FBLN2: variants seen among roughly 807,000 people sequenced by gnomAD.
FBLN2 encodes the protein fibulin-2.
FBLN2 carries 81 observed loss-of-function variants against 123.7 expected under a neutral mutation model. The observed-to-expected ratio is 0.65, with a 90% CI of 0.55 to 0.79. The LOEUF (loss-of-function observed/expected upper bound fraction) is 0.79, where lower values mean the gene tolerates loss of function less well. FBLN2 is among the 30% of genes least tolerant of loss of function. FBLN2 has a pLI of 0.00. For synonymous variants in FBLN2, 699 were observed against 701.4 expected (o/e 1.00, Z 0.05); for missense variants, 1,603 against 1,681.3 (o/e 0.95, Z 0.81).
At chr3:13,582,604 C>G (rs1250463151) in intron 2 of FBLN2, among the ~76,000 whole-genome samples, 1 of 152,158 alleles carries the variant, frequency 6.6e-6, no homozygotes, top group African/African-American at 2.4e-5. Context: ...CTGCTTTGGC[C>G]CTCAGAGAGT....
chr3:13,633,199 A>G, intron 16 of FBLN2, among the ~76,000 whole-genome samples: 1 of 152,272 alleles, frequency 6.6e-6, no homozygotes, highest in African/African-American at 2.4e-5. Flanking sequence ...GGGACCTGGC[A>G]TATGCCCATC....
chr3:13,579,012 G>A (rs988751557), intron 2 of FBLN2, among the ~76,000 whole-genome samples: 11 of 152,304 alleles, frequency 7.2e-5, no homozygotes, highest in African/African-American at 2.2e-4. Flanking sequence ...CCACGATCAC[G>A]CCTTTGCACT....
chr3:13,616,631 G>A (rs1705615610), intron 5 of FBLN2, among the ~76,000 whole-genome samples: 1 of 152,302 alleles, frequency 6.6e-6, no homozygotes. Context: ...TACTCTCTCT[G>A]TGGGCTCTGC....
intron 2 of FBLN2, among the ~76,000 whole-genome samples, chr3:13,597,214 G>T (rs1704873017): frequency 6.6e-6 from 1 of 152,180 alleles, no homozygotes; most frequent in Non-Finnish European, 1.5e-5. Context: ...TTATAGGTGT[G>T]AGCCACTACA....
At chr3:13,572,834 G>C (rs545029570) in intron 2 of FBLN2, among the ~76,000 whole-genome samples, 1 of 152,242 alleles carries the variant, frequency 6.6e-6, no homozygotes, top group South Asian at 2.1e-4. Context: ...TACTTTAGGA[G>C]CCTTGAACTC....
intron 2 of FBLN2, among the ~76,000 whole-genome samples, chr3:13,600,045 G>A (rs1421423791): frequency 6.7e-6 from 1 of 148,460 alleles, no homozygotes; most frequent in Non-Finnish European, 1.5e-5. Flanking sequence ...GAGAGAGAGA[G>A]CGAGAGAGAG....
At position 13,570,881 on chromosome 3, in the gene FBLN2, G is replaced by C. The variant is rs764308242; in HGVS notation, c.526G>C (p.Gly176Arg). The C allele has an allele frequency of 7.9e-5, 127 of 1,611,658 alleles. No homozygotes were observed. Among genetic ancestry groups the C allele is most frequent in the Middle Eastern group, 6.6e-4 (4 of 6,084 alleles). The stretch of plus-strand genomic sequence containing the variant: ...AGAGCTCATCTGCTACCAGCTCCCC[G>C]GTTGCCACGGGAACTTCTCAGATGC... ...GGELICYQLPGCHGNFSDAEE... is the reference protein window; with the variant it reads ...GGELICYQLPRCHGNFSDAEE... The change falls in exon 2 of 18, where the codon GGT becomes CGT. Residue 176 changes from glycine (G) to arginine (R), a missense_variant. By Grantham distance (125) the Gly-to-Arg change is moderately radical. Transcript: ENST00000404922.
At chr3:13,600,957 C>T (rs537234636) in intron 2 of FBLN2, among the ~76,000 whole-genome samples, 37 of 152,278 alleles carry the variant, frequency 2.4e-4, no homozygotes, top group Middle Eastern at 3.4e-3. Context: ...GAAATTGTGA[C>T]GTGTATGTGA....
rs1703937784 is a variant in FBLN2, at chr3:13,571,229, G to A, written c.874G>A (p.Val292Ile). ...GGAGGAGGAGAGAGAGGAAATGGCT[G>A]TCACTGAGCAGCTGGCAGCAGGTGG... The part of the protein sequence containing the change: ...EEEEEREEMA[V>I]TEQLAAGGHR... The change falls in exon 2 of 18, where the codon GTC becomes ATC. Residue 292 changes from valine to isoleucine, a missense_variant. Coordinates refer to ENST00000404922, the MANE Select transcript of FBLN2 (RefSeq NM_001004019.2). 6.4e-7 allele frequency: 1 copy of A among 1,569,806 alleles called. No homozygotes were observed. The highest frequency in any genetic ancestry group is 8.6e-7 in the Non-Finnish European group (1 of 1,157,836).
intron 13 of FBLN2, among the ~76,000 whole-genome samples, 158 bp from the exon 14 acceptor site, chr3:13,629,662 C>G (rs868507809): frequency 4.6e-5 from 7 of 152,340 alleles, no homozygotes; most frequent in Non-Finnish European, 8.8e-5. Flanking sequence ...GCCACCTGGT[C>G]TCTTTGCCTC....
At chr3:13,609,688 G>GGGGGGGCC in intron 4 of FBLN2, 46 bp downstream of exon 4, 9 of 512,600 alleles carry the variant, frequency 1.8e-5, no homozygotes, top group East Asian at 6.7e-5. Context: ...GTGGGGCGGG[G>GGGGGGGCC]CGGGAGGCTG....
At chr3:13,592,172 C>T (rs893172068) in intron 2 of FBLN2, among the ~76,000 whole-genome samples, 4 of 151,774 alleles carry the variant, frequency 2.6e-5, no homozygotes, top group Admixed American at 1.3e-4. Context: ...ATTACAGGTG[C>T]CTGCCACCAC....
chr3:13,570,933 A>G lies in FBLN2; in HGVS notation c.578A>G (p.Tyr193Cys), dbSNP rs1316650545. The change falls in exon 2 of 18, where the codon TAC becomes TGC. Residue 193 changes from tyrosine (Y) to cysteine (C), a missense_variant. Physicochemically the swap from Tyr to Cys is radical, Grantham distance 194. Coordinates refer to ENST00000404922, the MANE Select transcript of FBLN2 (RefSeq NM_001004019.2). The part of the protein sequence containing the change: ...DAEEGDPERH[Y>C]EDPYSYDQEV... ...GAGGAGGGTGACCCCGAGCGACACT[A>G]CGAAGACCCCTACAGCTATGACCAG... is the stretch of plus-strand genomic sequence containing the variant. The G allele has an allele frequency of 6.2e-7, 1 of 1,612,938 alleles. No individual in the cohort carries two copies. The highest frequency in any genetic ancestry group is 8.5e-7 in the Non-Finnish European group (1 of 1,179,638).
In FBLN2 at chr3:13,638,333, AAAG is replaced by A; in HGVS notation, c.*415_*417del. The A allele has an allele frequency of 2.5e-6, 1 of 403,050 alleles. No homozygotes were observed. The highest frequency in any genetic ancestry group is 4.1e-5 in the Admixed American group (1 of 24,100). The allele number at this position is 403,050 out of a possible 1,614,324, so 25.0% of individuals were successfully genotyped here. Reference sequence around the variant, plus strand: ...ATTTTAAAGTTTTTTGTTTAACTATAAAGTAGTACATGTACATTATATAAAAAA... The same window carrying A: ...ATTTTAAAGTTTTTTGTTTAACTATATAGTACATGTACATTATATAAAAAA... On this transcript the variant is annotated 3_prime_UTR_variant, in exon 18 of 18. Transcript: ENST00000404922.
chr3:13,630,042 T>TACACCTTCACCCTC (rs1706202579), intron 14 of FBLN2, 97 bp downstream of exon 14: 5 of 1,518,470 alleles, frequency 3.3e-6, no homozygotes, highest in African/African-American at 1.4e-5. Context: ...CCTTCACCCT[T>TACACCTTCACCCTC]ACACCTTCAC....
At chr3:13,584,848 C>T (rs2124846133) in intron 2 of FBLN2, among the ~76,000 whole-genome samples, 1 of 152,352 alleles carries the variant, frequency 6.6e-6, no homozygotes, top group East Asian at 1.9e-4. Context: ...CACATGCTCA[C>T]ACGGGAGGAG....
At position 13,619,747 on chromosome 3, in the gene FBLN2, C is replaced by T; in HGVS notation, c.2071C>T (p.Gln691Ter). 6.2e-7 allele frequency: 1 copy of T among 1,613,326 alleles called. No homozygotes were observed. Reference protein sequence around the residue: ...NTCKDNGPCKQVCSTVGGSAI... With the variant: ...NTCKDNGPCK ...TCCTCCAGACAATGGACCCTGCAAG[C>T]AGGTGTGCAGCACTGTTGGGGGCTC... Residue 691 changes from glutamine (Q) to a stop codon, truncating the protein, a stop_gained, in exon 8 of 18, where the codon CAG becomes TAG. Transcript: ENST00000404922. LOFTEE classifies it high-confidence loss of function.
rs1705734749 is a variant in FBLN2, at chr3:13,618,899, G to A, written c.1940-5G>A. ...GCAACCCCCACTCTGCTCTACCCATGACAGAGGGTCACCCTCCACAGCCGG... is the reference window on the plus strand; with the variant it reads ...GCAACCCCCACTCTGCTCTACCCATAACAGAGGGTCACCCTCCACAGCCGG... On this transcript the variant is annotated splice_region_variant and splice_polypyrimidine_tract_variant and intron_variant, in intron 6 of 17. Transcript: ENST00000404922. 1.2e-6 allele frequency: 2 copies of A among 1,610,258 alleles called. No individual in the cohort carries two copies. Among genetic ancestry groups the A allele is most frequent in the African/African-American group, 2.7e-5 (2 of 74,870 alleles).
chr3:13,597,082 C>G (rs148710993), intron 2 of FBLN2, among the ~76,000 whole-genome samples: 26 of 152,210 alleles, frequency 1.7e-4, no homozygotes, highest in African/African-American at 5.8e-4. Context: ...TAGGCACACA[C>G]CATCATGCCT....
Sources: gnomAD v4.1 joint callset for allele counts (sites outside exome capture counted in the v4.1 genomes callset) on GRCh38, gnomAD v4.1.1 for gene constraint, MANE v1.5 for transcripts, NCBI Gene and HGNC (gene_info 2026-07-23, HGNC 2026-07-21) for gene names.